The following SIPA1L1 variants were observed in gnomAD, a reference collection of about 807,000 sequenced individuals.
SIPA1L1 encodes the protein signal induced proliferation associated 1 like 1.
Under a neutral mutation model 162.7 loss-of-function variants are expected in SIPA1L1, and 26 were observed. That is an observed-to-expected ratio of 0.16 (90% CI 0.12 to 0.22). SIPA1L1 has a LOEUF of 0.22. Among genes scored for constraint, SIPA1L1 ranks in the 10% least tolerant of loss-of-function variants. The probability of loss-of-function intolerance (pLI) is 1.00; values close to 1 mark genes in which losing one functional copy is unlikely to be tolerated. For missense variants in SIPA1L1, 1,874 were observed against 2,241.0 expected (o/e 0.84, Z 3.31); for synonymous variants, 829 against 837.4 (o/e 0.99, Z 0.17).
intron 14 of SIPA1L1, 110 bp downstream of exon 14, chr14:71,699,237 GACAA>G (rs2081901885): frequency 9.2e-7 from 1 of 1,090,234 alleles, no homozygotes; most frequent in Non-Finnish European, 1.3e-6. Flanking sequence ...TCAATTTGTA[GACAA>G]ACAAAAGAGA....
chr14:71,478,619 T>C (rs940015293), intron 2 of SIPA1L1, among the ~76,000 whole-genome samples: 2 of 152,238 alleles, frequency 1.3e-5, no homozygotes, highest in African/African-American at 2.4e-5. Context: ...TCTTTCTCCA[T>C]TGAATTGCCA....
chr14:71,560,404 T>C (rs1033229859), intron 4 of SIPA1L1, among the ~76,000 whole-genome samples: 1 of 152,172 alleles, frequency 6.6e-6, no homozygotes, highest in Non-Finnish European at 1.5e-5. Context: ...GTCTTATGAA[T>C]GATAAGATGG....
intron 2 of SIPA1L1, among the ~76,000 whole-genome samples, chr14:71,408,920 C>T (rs1243590039): frequency 6.6e-6 from 1 of 152,114 alleles, no homozygotes. Context: ...CCTCAAATCT[C>T]TGATGTAAAA....
chr14:71,542,454 CCTG>C (rs577245408), intron 4 of SIPA1L1, among the ~76,000 whole-genome samples: 8 of 151,156 alleles, frequency 5.3e-5, no homozygotes, highest in East Asian at 3.9e-4. Context: ...GCTTCTTCTT[CCTG>C]CTGCTGCTGC....
intron 4 of SIPA1L1, among the ~76,000 whole-genome samples, chr14:71,544,135 A>G (rs910344431): frequency 1.3e-5 from 2 of 151,374 alleles, no homozygotes; most frequent in South Asian, 2.1e-4. Context: ...ACGTGTATGT[A>G]TATACATATA....
chr14:71,383,017 T>C, intron 2 of SIPA1L1, among the ~76,000 whole-genome samples: 1 of 152,158 alleles, frequency 6.6e-6, no homozygotes, highest in East Asian at 1.9e-4. Context: ...AGCAGTGTCT[T>C]ACTAGATGGG....
At chr14:71,719,259 A>G (rs1232701114) in intron 17 of SIPA1L1, among the ~76,000 whole-genome samples, 1 of 152,108 alleles carries the variant, frequency 6.6e-6, no homozygotes, top group African/African-American at 2.4e-5. Context: ...ATTCCTGTAC[A>G]TGTCCTTTTG....
At chr14:71,421,216 C>T (rs2043164923) in intron 2 of SIPA1L1, among the ~76,000 whole-genome samples, 1 of 152,146 alleles carries the variant, frequency 6.6e-6, no homozygotes, top group African/African-American at 2.4e-5. Flanking sequence ...CTATTATTTA[C>T]TCTTCTTCAA....
At chr14:71,651,000 A>G (rs2042573610) in intron 8 of SIPA1L1, among the ~76,000 whole-genome samples, 1 of 152,080 alleles carries the variant, frequency 6.6e-6, no homozygotes, top group South Asian at 2.1e-4. Flanking sequence ...AGTCTACTTA[A>G]TCTCTGAGAA....
intron 4 of SIPA1L1, among the ~76,000 whole-genome samples, chr14:71,566,897 G>A (rs372082732): frequency 2.6e-5 from 4 of 152,116 alleles, no homozygotes; most frequent in Admixed American, 2.0e-4. Context: ...CAGACTCTGC[G>A]AATAAAGTCA....
intron 9 of SIPA1L1, among the ~76,000 whole-genome samples, chr14:71,660,148 G>C (rs1351598039): frequency 6.6e-6 from 1 of 152,036 alleles, no homozygotes; most frequent in Non-Finnish European, 1.5e-5. Flanking sequence ...TGCAGGAATG[G>C]CATAACATGT....
intron 22 of SIPA1L1, among the ~76,000 whole-genome samples, chr14:71,737,026 C>T (rs189672328): frequency 2.3e-4 from 35 of 152,324 alleles, no homozygotes; most frequent in African/African-American, 6.3e-4. Context: ...ACCAGCCTGC[C>T]GTACCATACT....
At chr14:71,484,268 T>C (rs1204328627) in intron 2 of SIPA1L1, among the ~76,000 whole-genome samples, 1 of 151,638 alleles carries the variant, frequency 6.6e-6, no homozygotes, top group African/African-American at 2.4e-5. Context: ...AGCTTTTAGT[T>C]GGACAGCTTT....
intron 3 of SIPA1L1, among the ~76,000 whole-genome samples, chr14:71,527,539 T>G (rs1595910928): frequency 6.6e-6 from 1 of 152,080 alleles, no homozygotes; most frequent in South Asian, 2.1e-4. Context: ...TCTTTATATG[T>G]TCTGAATCTG....
chr14:71,607,191 G>A (rs571730783), intron 5 of SIPA1L1, among the ~76,000 whole-genome samples: 1 of 151,698 alleles, frequency 6.6e-6, no homozygotes, highest in Admixed American at 6.6e-5. Flanking sequence ...AAGGTGAGGG[G>A]CAGAACTTCA....
chr14:71,715,149 A>T (rs956315865), intron 17 of SIPA1L1, among the ~76,000 whole-genome samples: 10 of 152,226 alleles, frequency 6.6e-5, no homozygotes, highest in Non-Finnish European at 1.2e-4. Context: ...AAAATTTGGT[A>T]TAGCTCTCTA....
chr14:71,413,081 T>G (rs1309629253), intron 2 of SIPA1L1, among the ~76,000 whole-genome samples: 1 of 152,206 alleles, frequency 6.6e-6, no homozygotes, highest in Non-Finnish European at 1.5e-5. Context: ...TGGAGGGGAC[T>G]GTCCTGTGCA....
intron 2 of SIPA1L1, among the ~76,000 whole-genome samples, chr14:71,409,816 TG>T (rs1277233043): frequency 6.6e-6 from 1 of 152,198 alleles, no homozygotes; most frequent in Non-Finnish European, 1.5e-5. Flanking sequence ...GCAACATTTT[TG>T]TAGGTTGGTC....
intron 5 of SIPA1L1, among the ~76,000 whole-genome samples, chr14:71,608,769 C>T (rs2037834654): frequency 6.6e-6 from 1 of 151,942 alleles, no homozygotes; most frequent in Non-Finnish European, 1.5e-5. Flanking sequence ...GTGGTGCATG[C>T]CTGTAATCCC....
Sources: allele counts gnomAD v4.1 joint callset (sites outside exome capture counted in the v4.1 genomes callset), GRCh38; gene constraint gnomAD v4.1.1; transcripts MANE v1.5; gene names NCBI Gene and HGNC (gene_info 2026-07-23, HGNC 2026-07-21).